PLCH2: variants seen among roughly 807,000 people sequenced by gnomAD.
PLCH2 encodes the protein 1-phosphatidylinositol 4,5-bisphosphate phosphodiesterase eta-2.
A neutral mutation model predicts 134.7 loss-of-function variants in PLCH2; 98 were observed. The ratio of observed to expected loss-of-function variants is 0.73; its 90% CI spans 0.62 to 0.86. The LOEUF is 0.86. PLCH2 is among the 40% of genes least tolerant of loss of function. The probability of loss-of-function intolerance (pLI) is 0.00; values close to 1 mark genes in which losing one functional copy is unlikely to be tolerated. For missense variants in PLCH2, 1,994 were observed against 1,986.6 expected, an observed-to-expected ratio of 1.00 and a Z score of -0.07; for synonymous variants, 974 against 827.5, an observed-to-expected ratio of 1.18 and a Z score of -3.04.
At chr1:2,462,620 T>C (rs1281139399), upstream of PLCH2, among the ~76,000 whole-genome samples, 2 of 152,062 alleles carry the variant, frequency 1.3e-5, no homozygotes, top group Non-Finnish European at 2.9e-5. Context: ...TCTGTCTTCC[T>C]CCTCAGCCAG....
chr1:2,473,083 T>C, upstream of PLCH2, among the ~76,000 whole-genome samples: 1 of 151,950 alleles, frequency 6.6e-6, no homozygotes, highest in East Asian at 1.9e-4. Context: ...ATCTCCGCCA[T>C]AAAAACAAAA....
At chr1:2,464,374 C>T (rs114360006), upstream of PLCH2, among the ~76,000 whole-genome samples, 267 of 152,336 alleles carry the variant, frequency 1.8e-3, 1 homozygote, top group Non-Finnish European at 3.1e-3. Context: ...GCAATCCTGA[C>T]GCAGGCTGGT....
chr1:2,473,234 A>C (rs992882995), upstream of PLCH2, among the ~76,000 whole-genome samples: 11 of 152,242 alleles, frequency 7.2e-5, no homozygotes, highest in African/African-American at 2.7e-4. Flanking sequence ...GCACTGAGAC[A>C]GGGAGGACAA....
intron 7 of PLCH2, 45 bp from the exon 8 acceptor site, chr1:2,487,553 C>T: frequency 6.3e-7 from 1 of 1,589,202 alleles, no homozygotes; most frequent in Non-Finnish European, 8.6e-7. Context: ...CCTGGGCTCA[C>T]TGTGGCTAGG....
At chr1:2,499,610 C>G in intron 19 of PLCH2, 31 bp from the exon 20 acceptor site, 1 of 1,542,118 alleles carries the variant, frequency 6.5e-7, no homozygotes, top group Non-Finnish European at 8.8e-7. Flanking sequence ...AGGCTGTGAC[C>G]TCATGACCCT....
chr1:2,474,807 G>A (rs1395282429), upstream of PLCH2, among the ~76,000 whole-genome samples: 1 of 152,022 alleles, frequency 6.6e-6, no homozygotes, highest in African/African-American at 2.4e-5. Context: ...CAGCAGCCCA[G>A]TATGAGGTGG....
Position 2,502,124 on chromosome 1 carries a change from C to G in PLCH2, c.2674C>G (p.Leu892Val), listed in dbSNP as rs1018796369. ...SDISGKVKQA[L>V]GLKGLFLRGP... ...CCTTCTCTTGCAGGTCAAGCAGGCT[C>G]TGGGCCTAAAAGGCCTCTTCCTCCG... Residue 892 changes from leucine (L) to valine (V), a missense_variant, in exon 21 of 22, where the codon CTG (leucine) becomes GTG (valine). Leu to Val is a conservative substitution (Grantham distance 32). Transcript: ENST00000378486. 1 of 1,453,532 alleles carries G rather than the reference C, an allele frequency of 6.9e-7. No individual in the cohort carries two copies. Among genetic ancestry groups the G allele is most frequent in the East Asian group, 2.6e-5 (1 of 38,348 alleles). 90.0% of individuals were successfully genotyped at this position (1,453,532 alleles called of 1,614,324 possible). A position where few individuals can be genotyped will look rare whatever the true frequency, so the allele number is the denominator to read the frequency against.
intron 2 of PLCH2, among the ~76,000 whole-genome samples, chr1:2,434,653 C>T (rs1639237729): frequency 1.3e-5 from 2 of 152,214 alleles, no homozygotes; most frequent in Non-Finnish European, 2.9e-5. Context: ...GGCCTGGCTT[C>T]CAGCAACCCC....
At chr1:2,429,829 G>A (rs1201998008) in intron 1 of PLCH2, among the ~76,000 whole-genome samples, 1 of 152,186 alleles carries the variant, frequency 6.6e-6, no homozygotes, top group African/African-American at 2.4e-5. Context: ...TGTGCTGTGA[G>A]GGCTGGCAAG....
intron 4 of PLCH2, among the ~76,000 whole-genome samples, chr1:2,482,167 G>T (rs1642005818): frequency 6.6e-6 from 1 of 152,252 alleles, no homozygotes; most frequent in African/African-American, 2.4e-5. Context: ...GTGTTCTAGG[G>T]TGGGGCTCAG....
upstream of PLCH2, among the ~76,000 whole-genome samples, chr1:2,472,849 G>A (rs1641396159): frequency 6.6e-6 from 1 of 152,074 alleles, no homozygotes; most frequent in Non-Finnish European, 1.5e-5. Context: ...AGGGGCATGT[G>A]CAGTCCCCAT....
intron 20 of PLCH2, chr1:2,500,878 C>T (rs1450092227): frequency 1.5e-5 from 2 of 129,374 alleles, no homozygotes; most frequent in Non-Finnish European, 3.4e-5. Flanking sequence ...TCCCTCAGCC[C>T]CTTCCCTGGC....
intron 2 of PLCH2, among the ~76,000 whole-genome samples, chr1:2,432,652 A>G (rs1639122844): frequency 6.6e-6 from 1 of 152,098 alleles, no homozygotes; most frequent in African/African-American, 2.4e-5. Flanking sequence ...TGAGGGTCTG[A>G]GCTGCCCAGA....
chr1:2,445,748 G>A (rs1639912326), intron 2 of PLCH2, among the ~76,000 whole-genome samples: 1 of 152,194 alleles, frequency 6.6e-6, no homozygotes, highest in Non-Finnish European at 1.5e-5. Flanking sequence ...TGCTGCTGCT[G>A]GAGTTCAGGT....
In PLCH2 at chr1:2,448,897, G is replaced by A. The variant is rs923061740; in HGVS notation, c.115+18268G>A. Among the ~76,000 whole-genome samples the A allele has an allele frequency of 2.0e-5, 3 of 152,140 alleles. No homozygotes were observed. Among genetic ancestry groups the A allele is most frequent in the African/African-American group, 7.2e-5 (3 of 41,404 alleles). Reference sequence around the variant, plus strand: ...CCACAAGTCACATCACTGCTGCCCCGGAAGGCACCTGGGGCCTCCAGAATG... The same window carrying A: ...CCACAAGTCACATCACTGCTGCCCCAGAAGGCACCTGGGGCCTCCAGAATG... On this transcript the variant is annotated intron_variant, in intron 2 of 3. Coordinates refer to the PLCH2 transcript ENST00000609981. This position sits in a 1 kb window ranked among gnomAD's most constrained non-coding sequence, Gnocchi z 4.0.
intron 2 of PLCH2, among the ~76,000 whole-genome samples, chr1:2,446,215 G>A (rs184554949): frequency 2.6e-5 from 4 of 152,334 alleles, no homozygotes; most frequent in East Asian, 3.9e-4. Flanking sequence ...CAGCTTCCCC[G>A]CTGCTGCCCA....
intron 21 of PLCH2, 101 bp downstream of exon 21, chr1:2,502,510 G>T (rs1050223192): frequency 5.8e-6 from 7 of 1,196,964 alleles, no homozygotes; most frequent in Non-Finnish European, 6.1e-6. Context: ...CCACATGCAT[G>T]AAGTGTGTGG....
chr1:2,476,400 C>G lies in PLCH2; in HGVS notation c.-189C>G. The G allele has an allele frequency of 1.8e-6, 1 of 557,868 alleles. No individual in the cohort carries two copies. Among genetic ancestry groups the G allele is most frequent in the Admixed American group, 3.6e-5 (1 of 27,872 alleles). The allele number at this position is 557,868 out of a possible 1,614,324, so 34.6% of individuals were successfully genotyped here. On this transcript the variant is annotated 5_prime_UTR_variant, in exon 1 of 22. Coordinates refer to ENST00000378486, the MANE Select transcript of PLCH2 (RefSeq NM_014638.4). ...TCAGGACAGCAGGTGACGGTCAGGC[C>G]AATGCCAGCCGGGCCTGGGCACAGC...
In PLCH2 at chr1:2,494,893, C is replaced by A; in HGVS notation, c.1697C>A (p.Ala566Asp). 6.2e-7 allele frequency: 1 copy of A among 1,606,004 alleles called. No individual in the cohort carries two copies. The highest frequency in any genetic ancestry group is 8.5e-7 in the Non-Finnish European group (1 of 1,177,264). The change falls in exon 12 of 22, where the codon GCC (alanine) becomes GAC (aspartate). Residue 566 changes from alanine to aspartate, a missense_variant. Physicochemically the swap from Ala to Asp is moderately radical, Grantham distance 126. Coordinates refer to ENST00000378486, the MANE Select transcript of PLCH2 (RefSeq NM_014638.4). ...GAGGACGTGGAGTCTGGGGAGGATG[C>A]CGGGGCCAGCAGACGCAATGGCCGC... ...AEEDVESGED[A>D]GASRRNGRLV...
Sources: allele counts gnomAD v4.1 joint callset (sites outside exome capture counted in the v4.1 genomes callset), GRCh38; gene constraint gnomAD v4.1.1; non-coding constraint Gnocchi (gnomAD v3.1); transcripts MANE v1.5; gene names NCBI Gene and HGNC (gene_info 2026-07-23, HGNC 2026-07-21).